The following PPP1R1C variants were observed in gnomAD, a reference collection of about 807,000 sequenced individuals.
PPP1R1C encodes the protein protein phosphatase 1 regulatory subunit 1C.
A neutral mutation model predicts 17.4 loss-of-function variants in PPP1R1C; 15 were observed. That is an observed-to-expected ratio of 0.86 (90% CI 0.58 to 1.33). PPP1R1C has a LOEUF of 1.33. Ranked by LOEUF, PPP1R1C falls within the 40% of genes most tolerant of loss-of-function variation. The probability of loss-of-function intolerance (pLI) is 0.00; values close to 1 mark genes in which losing one functional copy is unlikely to be tolerated. For missense variants in PPP1R1C, 143 were observed against 130.0 expected (o/e 1.10, Z -0.48); for synonymous variants, 35 against 43.1 (o/e 0.81, Z 0.73).
intron 4 of PPP1R1C, among the ~76,000 whole-genome samples, chr2:182,082,507 A>T (rs1377602418): frequency 1.3e-5 from 2 of 152,110 alleles, no homozygotes; most frequent in Non-Finnish European, 2.9e-5. Context: ...GCCTGGTAAG[A>T]CAGCCTTGGT....
rs146774976 is a variant in PPP1R1C, at chr2:182,078,134, C to T, written c.241+14343C>T. On this transcript the variant is annotated intron_variant, in intron 4 of 4. Transcript: ENST00000682840. ...GGCAGAGGCTGCAGTGAGCTGAGAC[C>T]GTGCCACTGCACTCCAGCCTGGGTG... Among the ~76,000 whole-genome samples the T allele has an allele frequency of 8.9e-3, 1,354 of 152,156 alleles. 19 individuals are homozygous for T. Among genetic ancestry groups the T allele is most frequent in the African/African-American group, 0.031 (1,281 of 41,502 alleles).
chr2:182,033,945 C>T lies in PPP1R1C; in HGVS notation c.143-27497C>T, dbSNP rs112988167. ...TGATATTCTCTGTTCCTGCAAAACTCTTCTGATCTTTCAGTGGCTAATTCC... is the reference window on the plus strand; with the variant it reads ...TGATATTCTCTGTTCCTGCAAAACTTTTCTGATCTTTCAGTGGCTAATTCC... On this transcript the variant is annotated intron_variant, in intron 2 of 4. Coordinates refer to ENST00000682840, the MANE Select transcript of PPP1R1C (RefSeq NM_001080545.3). 3.3e-5 allele frequency among the ~76,000 whole-genome samples: 5 copies of T among 152,300 alleles called. 1 individual carries two copies. Among genetic ancestry groups the T allele is most frequent in the African/African-American group, 1.2e-4 (5 of 41,568 alleles).
chr2:181,962,465 G>A lies in PPP1R1C; in HGVS notation n.111+7831G>A. On this transcript the variant is annotated intron_variant and non_coding_transcript_variant, in intron 1 of 5. Transcript: ENST00000464264. This position sits in a 1 kb window ranked among gnomAD's most constrained non-coding sequence, Gnocchi z 6.0. ...GTAGTTGGTGGAGAAGATGGAGCGA[G>A]TGGTGAAGCTCATGCTATCCAGGGA... is the stretch of plus-strand genomic sequence containing the variant. 1 of 701,882 alleles carries A rather than the reference G, an allele frequency of 1.4e-6. No homozygotes were observed. The highest frequency in any genetic ancestry group is 2.7e-6 in the Non-Finnish European group (1 of 374,760). 43.5% of individuals were successfully genotyped at this position (701,882 alleles called of 1,614,324 possible).
At chr2:182,108,519 A>C (rs1689321508) in intron 4 of PPP1R1C, among the ~76,000 whole-genome samples, 1 of 152,188 alleles carries the variant, frequency 6.6e-6, no homozygotes, top group African/African-American at 2.4e-5. Context: ...GATGACTTCC[A>C]CATTAATACC....
intron 4 of PPP1R1C, among the ~76,000 whole-genome samples, chr2:182,073,399 TA>T (rs1049086405): frequency 1.6e-4 from 25 of 152,336 alleles, no homozygotes; most frequent in African/African-American, 6.0e-4. Context: ...GGCTTAATTT[TA>T]GCCACATTGA....
At chr2:182,121,374 T>A (rs1689729102), downstream of PPP1R1C, among the ~76,000 whole-genome samples, 1 of 152,320 alleles carries the variant, frequency 6.6e-6, no homozygotes, top group South Asian at 2.1e-4. Context: ...TTTATTATTA[T>A]TAGAGTTAGA....
chr2:182,028,459 T>A (rs1257964599), intron 2 of PPP1R1C, among the ~76,000 whole-genome samples: 1 of 152,154 alleles, frequency 6.6e-6, no homozygotes, highest in Non-Finnish European at 1.5e-5. Context: ...CTGCCTTCAT[T>A]TCATTATGTA....
intron 1 of PPP1R1C, among the ~76,000 whole-genome samples, chr2:181,959,720 GA>G (rs1684732018): frequency 2.0e-5 from 3 of 152,156 alleles, no homozygotes; most frequent in African/African-American, 7.2e-5. Flanking sequence ...ACTGAAACCT[GA>G]TAGCAGGTGA....
intron 4 of PPP1R1C, among the ~76,000 whole-genome samples, chr2:182,065,773 G>T (rs1687968088): frequency 6.6e-6 from 1 of 152,124 alleles, no homozygotes; most frequent in Non-Finnish European, 1.5e-5. Flanking sequence ...TGTACTCACA[G>T]ATCCTTGTTC....
chr2:182,086,968 A>G (rs2125217851), intron 4 of PPP1R1C, among the ~76,000 whole-genome samples: 1 of 152,208 alleles, frequency 6.6e-6, no homozygotes, highest in Non-Finnish European at 1.5e-5. Context: ...CTCTCAGTTA[A>G]TGGCCTCTTC....
In PPP1R1C at chr2:181,976,255, T is replaced by C. The variant is rs1402759722; in HGVS notation, n.157+991T>C. The stretch of plus-strand genomic sequence containing the variant: ...TGTTTAATGCATGAGTACATGCATG[T>C]GTATATATGGATACAAATCTATAAT... On this transcript the variant is annotated intron_variant and non_coding_transcript_variant, in intron 2 of 5. Transcript: ENST00000464264. This position sits in a 1 kb window ranked among gnomAD's most constrained non-coding sequence, Gnocchi z 4.8. 2.6e-5 allele frequency among the ~76,000 whole-genome samples: 4 copies of C among 152,124 alleles called. No homozygotes were observed. The highest frequency in any genetic ancestry group is 2.6e-4 in the Admixed American group (4 of 15,280).
At chr2:182,093,015 C>A (rs1688829140) in intron 4 of PPP1R1C, among the ~76,000 whole-genome samples, 1 of 152,184 alleles carries the variant, frequency 6.6e-6, no homozygotes, top group African/African-American at 2.4e-5. Context: ...TTTGTGGGGG[C>A]TTTGACCCCA....
intron 2 of PPP1R1C, among the ~76,000 whole-genome samples, chr2:181,998,383 C>G (rs529082382): frequency 2.0e-5 from 3 of 152,168 alleles, no homozygotes; most frequent in Non-Finnish European, 4.4e-5. Context: ...TTGTCATAAG[C>G]TCTAATTTGT....
intron 4 of PPP1R1C, among the ~76,000 whole-genome samples, chr2:182,080,798 T>A (rs532211091): frequency 7.9e-5 from 12 of 152,336 alleles, no homozygotes; most frequent in Non-Finnish European, 1.5e-4. Context: ...GCATTGATTA[T>A]GTTCAGCCAT....
intron 1 of PPP1R1C, among the ~76,000 whole-genome samples, chr2:181,960,476 G>C (rs769729753): frequency 5.3e-5 from 8 of 152,108 alleles, no homozygotes; most frequent in Non-Finnish European, 7.4e-5. Flanking sequence ...TGTAGTTTTT[G>C]TTCTTTCATC....
At chr2:181,988,481 C>T (rs1371410547) in intron 2 of PPP1R1C, among the ~76,000 whole-genome samples, 1 of 152,220 alleles carries the variant, frequency 6.6e-6, no homozygotes, top group Non-Finnish European at 1.5e-5. Context: ...ATGAAAACCG[C>T]ATTATTATTC....
downstream of PPP1R1C, among the ~76,000 whole-genome samples, chr2:182,119,619 C>T (rs1689682132): frequency 1.3e-5 from 2 of 152,172 alleles, no homozygotes; most frequent in African/African-American, 2.4e-5. Flanking sequence ...GAGATGGTAT[C>T]TCATTGTGGT....
At chr2:182,110,832 C>G (rs1219387693) in intron 4 of PPP1R1C, among the ~76,000 whole-genome samples, 1 of 151,998 alleles carries the variant, frequency 6.6e-6, no homozygotes, top group East Asian at 1.9e-4. Context: ...AGTGAAATTG[C>G]CTAAACATTG....
At chr2:181,982,768 G>A (rs894635036), upstream of PPP1R1C, among the ~76,000 whole-genome samples, 1 of 152,144 alleles carries the variant, frequency 6.6e-6, no homozygotes, top group Non-Finnish European at 1.5e-5. Context: ...GAGGAATCAT[G>A]CAAAGTAGGG....
Sources: allele counts gnomAD v4.1 joint callset (sites outside exome capture counted in the v4.1 genomes callset), GRCh38; gene constraint gnomAD v4.1.1; non-coding constraint Gnocchi (gnomAD v3.1); transcripts MANE v1.5; gene names NCBI Gene and HGNC (gene_info 2026-07-23, HGNC 2026-07-21).